SCGN: variants seen among roughly 807,000 people sequenced by gnomAD.
SCGN encodes the protein secretagogin.
A neutral mutation model predicts 39.7 loss-of-function variants in SCGN; 30 were observed. That is an observed-to-expected ratio of 0.76 (90% CI 0.57 to 1.03). The LOEUF is 1.03. SCGN is among the 50% of genes least tolerant of loss of function. SCGN has a pLI of 0.00. For missense variants in SCGN, 353 were observed against 349.4 expected (o/e 1.01, Z -0.08); for synonymous variants, 106 against 114.1 (o/e 0.93, Z 0.45).
chr6:25,699,570 C>G (rs1372164723), intron 10 of SCGN, among the ~76,000 whole-genome samples: 2 of 96,742 alleles, frequency 2.1e-5, no homozygotes, highest in Admixed American at 3.0e-4. Flanking sequence ...AGCTTGGTGA[C>G]AAGACTGAAA....
intron 6 of SCGN, among the ~76,000 whole-genome samples, chr6:25,676,331 A>G (rs1759562646): frequency 6.6e-6 from 1 of 152,192 alleles, no homozygotes; most frequent in South Asian, 2.1e-4. Context: ...TTTCATATTG[A>G]AAACCTCCAA....
chr6:25,652,401 A>C lies in SCGN; in HGVS notation c.-3A>C. On this transcript the variant is annotated 5_prime_UTR_variant, in exon 1 of 11. Coordinates refer to ENST00000377961, the MANE Select transcript of SCGN (RefSeq NM_006998.4). Reference sequence around the variant, plus strand: ...CCGGTGCCTGGTCTTCGTCGTCAACACCATGGACAGCTCCCGGGAACCGAC... The same window carrying C: ...CCGGTGCCTGGTCTTCGTCGTCAACCCCATGGACAGCTCCCGGGAACCGAC... The C allele has an allele frequency of 6.2e-7, 1 of 1,613,880 alleles. No individual in the cohort carries two copies. Among genetic ancestry groups the C allele is most frequent in the East Asian group, 2.2e-5 (1 of 44,860 alleles).
chr6:25,664,130 T>C (rs1467555266), intron 3 of SCGN, among the ~76,000 whole-genome samples: 2 of 152,058 alleles, frequency 1.3e-5, no homozygotes, highest in Non-Finnish European at 2.9e-5. Flanking sequence ...TTCAAGGGAG[T>C]GCATGAAGTA....
chr6:25,661,182 T>C (rs2151377547), intron 2 of SCGN, among the ~76,000 whole-genome samples: 1 of 152,324 alleles, frequency 6.6e-6, no homozygotes, highest in Middle Eastern at 3.4e-3. Flanking sequence ...TTAAAAAATG[T>C]AAAATCTCTG....
chr6:25,686,975 C>A (rs1158297713), intron 7 of SCGN, among the ~76,000 whole-genome samples: 1 of 152,060 alleles, frequency 6.6e-6, no homozygotes, highest in Non-Finnish European at 1.5e-5. Context: ...GGTCTTGGCA[C>A]CCTTTCTGAA....
At chr6:25,689,690 C>T (rs1759752117) in intron 9 of SCGN, among the ~76,000 whole-genome samples, 158 bp downstream of exon 9, 1 of 152,074 alleles carries the variant, frequency 6.6e-6, no homozygotes. Context: ...TCCTCTAGAC[C>T]TTCTGAGAAT....
intron 9 of SCGN, among the ~76,000 whole-genome samples, chr6:25,690,112 A>C (rs1160069406): frequency 6.6e-6 from 1 of 152,210 alleles, no homozygotes; most frequent in African/African-American, 2.4e-5. Context: ...ATTATGTGTC[A>C]TGTTCTGAGC....
chr6:25,658,165 G>A (rs192931893), intron 2 of SCGN, among the ~76,000 whole-genome samples: 246 of 149,764 alleles, frequency 1.6e-3, no homozygotes, highest in African/African-American at 5.9e-3. Context: ...TCAGCCTCCC[G>A]AGTAGCTGGG....
chr6:25,673,113 A>G (rs761682387), intron 6 of SCGN, among the ~76,000 whole-genome samples: 16 of 152,134 alleles, frequency 1.1e-4, no homozygotes, highest in Non-Finnish European at 1.8e-4. Context: ...TGAAACCATG[A>G]CAAAATAAGG....
At chr6:25,687,836 A>G (rs1260440726) in intron 7 of SCGN, among the ~76,000 whole-genome samples, 1 of 151,512 alleles carries the variant, frequency 6.6e-6, no homozygotes, top group Non-Finnish European at 1.5e-5. Flanking sequence ...TAATTCCCTT[A>G]TTATTTGTTT....
intron 10 of SCGN, 102 bp from the exon 11 acceptor site, chr6:25,701,105 T>C: frequency 7.4e-7 from 1 of 1,354,628 alleles, no homozygotes; most frequent in Non-Finnish European, 9.9e-7. Context: ...GCCTGTCTCC[T>C]TCAAGGCAGG....
chr6:25,695,079 G>A lies in SCGN; in HGVS notation c.702+3955G>A, dbSNP rs560339435. Among the ~76,000 whole-genome samples the A allele has an allele frequency of 3.3e-5, 5 of 152,234 alleles. No homozygotes were observed. The East Asian group carries it at 5.8e-4, about 18-fold the overall frequency. On this transcript the variant is annotated intron_variant, in intron 10 of 10. Coordinates refer to ENST00000377961, the MANE Select transcript of SCGN (RefSeq NM_006998.4). ...TTTTTTAATTCTTGGACAATCATATGATGTATATGTTGACTTTACATGGAC... is the reference window on the plus strand; with the variant it reads ...TTTTTTAATTCTTGGACAATCATATAATGTATATGTTGACTTTACATGGAC...
At chr6:25,681,830 G>A (rs535491138) in intron 6 of SCGN, 121 bp from the exon 7 acceptor site, 1 of 750,070 alleles carries the variant, frequency 1.3e-6, no homozygotes, top group African/African-American at 1.7e-5. Context: ...CCCCAGGCAA[G>A]TGGGCTCCTC....
intron 7 of SCGN, among the ~76,000 whole-genome samples, chr6:25,682,222 AC>A (rs1759645859): frequency 6.6e-6 from 1 of 152,208 alleles, no homozygotes; most frequent in African/African-American, 2.4e-5. Context: ...CGCACAACAC[AC>A]AACATTTTCA....
intron 7 of SCGN, among the ~76,000 whole-genome samples, chr6:25,685,430 G>A (rs569547013): frequency 5.9e-5 from 9 of 152,246 alleles, no homozygotes; most frequent in African/African-American, 2.2e-4. Flanking sequence ...AGGCTGCCTG[G>A]TGCCTGCAAA....
intron 2 of SCGN, among the ~76,000 whole-genome samples, chr6:25,656,027 A>C (rs1462229077): frequency 2.0e-5 from 3 of 152,202 alleles, no homozygotes; most frequent in Non-Finnish European, 2.9e-5. Context: ...TTCACTGGGC[A>C]CTCCATGCTA....
chr6:25,659,502 G>A (rs1356590052), intron 2 of SCGN, among the ~76,000 whole-genome samples: 1 of 152,184 alleles, frequency 6.6e-6, no homozygotes, highest in African/African-American at 2.4e-5. Flanking sequence ...AAATGAAAGG[G>A]TAGTGTCTCA....
At position 25,689,154 on chromosome 6, in the gene SCGN, T is replaced by C; in HGVS notation, c.528-18T>C. ...AGCTGAACGATCCTTACGTGGATTT[T>C]TTTTTTTTTCTATTTAGGATTCTGG... On this transcript the variant is annotated intron_variant, in intron 7 of 10. Coordinates refer to ENST00000377961, the MANE Select transcript of SCGN (RefSeq NM_006998.4). The C allele has an allele frequency of 6.4e-7, 1 of 1,561,890 alleles. No homozygotes were observed.
intron 2 of SCGN, among the ~76,000 whole-genome samples, chr6:25,656,455 G>C (rs1386861961): frequency 6.6e-6 from 1 of 152,112 alleles, no homozygotes; most frequent in Admixed American, 6.5e-5. Context: ...GCCTCGGAGG[G>C]GATTGACTTA....
Sources: allele counts gnomAD v4.1 joint callset (sites outside exome capture counted in the v4.1 genomes callset), GRCh38; gene constraint gnomAD v4.1.1; transcripts MANE v1.5; gene names NCBI Gene and HGNC (gene_info 2026-07-23, HGNC 2026-07-21).